The following A2M variants were observed in gnomAD, a reference collection of about 807,000 sequenced individuals.
A2M encodes C3 and PZP-like alpha-2-macroglobulin domain-containing protein 5.
In A2M, 128 loss-of-function variants were observed where a neutral mutation model predicts 183.9. That is an observed-to-expected ratio of 0.70 (90% CI 0.60 to 0.81). The LOEUF (loss-of-function observed/expected upper bound fraction) is 0.81, where lower values mean the gene tolerates loss of function less well. Ranked by LOEUF, A2M falls within the 30% of genes least tolerant of loss-of-function variation. The pLI, the probability that A2M is intolerant of heterozygous loss-of-function variation, is 0.00. For synonymous variants in A2M, 592 were observed against 670.8 expected (o/e 0.88, Z 1.81); for missense variants, 1,495 against 1,787.6 (o/e 0.84, Z 2.95).
At chr12:9,100,602 A>G (rs757609711) in intron 13 of A2M, among the ~76,000 whole-genome samples, 1 of 152,268 alleles carries the variant, frequency 6.6e-6, no homozygotes, top group East Asian at 1.9e-4. Context: ...TAAATAACGC[A>G]AAGAAAATAG....
chr12:9,074,838 A>G (rs1948692451), intron 28 of A2M, 55 bp from the exon 29 acceptor site: 1 of 1,522,994 alleles, frequency 6.6e-7, no homozygotes, highest in South Asian at 1.2e-5. Context: ...ATTTAATTCA[A>G]GGTGAAAGTA....
intron 13 of A2M, 66 bp downstream of exon 13, chr12:9,101,078 C>T: frequency 1.4e-6 from 2 of 1,429,128 alleles, no homozygotes; most frequent in Non-Finnish European, 1.9e-6. Flanking sequence ...TATTCTGATA[C>T]TTCCGTGGTG....
chr12:9,068,063 T>G, intron 35 of A2M, 120 bp downstream of exon 35: 2 of 1,194,542 alleles, frequency 1.7e-6, no homozygotes, highest in Non-Finnish European at 2.4e-6. Context: ...TATAATAATG[T>G]GCAGTGTGAG....
In A2M at chr12:9,103,097, T is replaced by G. The variant is rs768353889; in HGVS notation, c.1266+1142A>C. Among the ~76,000 whole-genome samples the G allele has an allele frequency of 5.9e-5, 9 of 152,252 alleles. No homozygotes were observed. The South Asian group carries it at 1.5e-3, about 25-fold the overall frequency. On this transcript the variant is annotated intron_variant, in intron 11 of 35. Transcript: ENST00000318602. ...ACAGGTCATCTGGAGAAAATTAGAA[T>G]AGCAAGACAAAATAAAGTAAGGTAA...
intron 18 of A2M, among the ~76,000 whole-genome samples, chr12:9,092,890 T>C (rs140606617): frequency 3.9e-5 from 6 of 152,314 alleles, no homozygotes; most frequent in African/African-American, 9.6e-5. Flanking sequence ...GATAAATAAA[T>C]TGTGGCTATG....
chr12:9,111,942 T>A, intron 4 of A2M: 1 of 712,598 alleles, frequency 1.4e-6, no homozygotes, highest in Admixed American at 1.8e-5. Flanking sequence ...TTTAATTGTG[T>A]GACAACTGAC....
intron 6 of A2M, 142 bp downstream of exon 6, chr12:9,109,725 T>C (rs1565603730): frequency 3.8e-6 from 3 of 798,968 alleles, no homozygotes; most frequent in Admixed American, 2.7e-5. Flanking sequence ...GATGTCCTCA[T>C]TGGACTTAGG....
chr12:9,069,825 T>A lies in A2M; in HGVS notation c.4195-12A>T. 1.2e-6 allele frequency: 2 copies of A among 1,612,710 alleles called. No individual in the cohort carries two copies. Among genetic ancestry groups the A allele is most frequent in the Middle Eastern group, 3.3e-4 (2 of 6,052 alleles). ...TTAGATCTTTCAAGCTGAAGAAAAT[T>A]GAAATACCACAAATGTTAATAAATA... is the stretch of plus-strand genomic sequence containing the variant. On this transcript the variant is annotated splice_polypyrimidine_tract_variant and intron_variant, in intron 32 of 35. Transcript: ENST00000318602.
Position 9,095,060 on chromosome 12 carries a change from T to G in A2M, c.2038A>C (p.Asn680His). Residue 680 changes from asparagine to histidine, a missense_variant, in exon 17 of 36, where the codon AAC becomes CAC. Asn to His is a moderately conservative substitution (Grantham distance 68). Transcript: ENST00000318602. ...LEDMGLKAFT[N>H]SKIRKPKMCP... The stretch of plus-strand genomic sequence containing the variant: ...ATTTTGGGTTTACGAATCTTTGAGT[T>G]GGTGAATGCCTTTAAGCCCATGTCC... 1 of 1,592,616 alleles carries G rather than the reference T, an allele frequency of 6.3e-7. No individual in the cohort carries two copies.
At chr12:9,094,346 T>TAG in intron 17 of A2M, among the ~76,000 whole-genome samples, 1 of 132,946 alleles carries the variant, frequency 7.5e-6, no homozygotes, top group African/African-American at 2.7e-5. Flanking sequence ...TGTGCATATA[T>TAG]ATATATATAT....
At chr12:9,093,607 C>A (rs191817219) in intron 17 of A2M, 28 bp from the exon 18 acceptor site, 23 of 1,252,516 alleles carry the variant, frequency 1.8e-5, no homozygotes, top group Admixed American at 9.3e-5. Context: ...GAAGACATTA[C>A]AATAAACATA....
rs765617989 is a variant in A2M at position 9,098,727 on chromosome 12, A to G, written c.1731T>C (p.Ser577=). The change falls in exon 15 of 36, where the codon AGT becomes AGC. Residue 577 remains serine, a synonymous_variant. Coordinates refer to ENST00000318602, the MANE Select transcript of A2M (RefSeq NM_000014.6). ...KVDLSFSPSQ[S]LPASHAHLRV... is the part of the protein sequence containing the mutation. ...GCAGGTGGGCGTGTGAGGCTGGGAG[A>G]CTTTGTGATGGGCTGAAGCTCAAAT... The G allele has an allele frequency of 6.2e-7, 1 of 1,612,932 alleles. No homozygotes were observed. Among genetic ancestry groups the G allele is most frequent in the Non-Finnish European group, 8.5e-7 (1 of 1,179,760 alleles).
chr12:9,114,361 C>T (rs2137998343), intron 1 of A2M, among the ~76,000 whole-genome samples: 1 of 152,218 alleles, frequency 6.6e-6, no homozygotes, highest in Middle Eastern at 3.4e-3. Context: ...TACATATTTT[C>T]AAGTAAACAT....
In A2M at chr12:9,070,404, T is replaced by C. The variant is rs1406062833; in HGVS notation, c.4194+84A>G. The C allele has an allele frequency of 4.5e-6, 4 of 882,056 alleles. No individual in the cohort carries two copies. The Admixed American group carries it at 8.7e-5, about 19-fold the overall frequency. The allele number at this position is 882,056 out of a possible 1,614,324, so 54.6% of individuals were successfully genotyped here. A position where few individuals can be genotyped will look rare whatever the true frequency, so the allele number is the denominator to read the frequency against. On this transcript the variant is annotated intron_variant, in intron 32 of 35. Transcript: ENST00000318602. ...CTTTGATAGAGATTGACTTTAATAG[T>C]ATTTTGATATTAGTATTGTCTTATG... is the stretch of plus-strand genomic sequence containing the variant.
In A2M at chr12:9,099,405, A is replaced by G; in HGVS notation, c.1677T>C (p.Asp559=). The change falls in exon 14 of 36, where the codon GAT becomes GAC. Residue 559 remains aspartate (D), a synonymous_variant. Coordinates refer to ENST00000318602, the MANE Select transcript of A2M (RefSeq NM_000014.6). ...GDVIGDSAKY[D]VENCLANKVD... is the part of the protein sequence containing the mutation. ...CCTTGTTGGCCAGACAATTTTCAAC[A>G]TCATATTTTGCAGAATCCCCAATCA... 6.4e-7 allele frequency: 1 copy of G among 1,564,678 alleles called. No individual in the cohort carries two copies. The highest frequency in any genetic ancestry group is 8.7e-7 in the Non-Finnish European group (1 of 1,154,094).
rs539903305 is a variant in A2M at position 9,079,822 on chromosome 12, A to T, written c.2855-7T>A. On this transcript the variant is annotated splice_polypyrimidine_tract_variant and splice_region_variant and intron_variant, in intron 23 of 35. Coordinates refer to ENST00000318602, the MANE Select transcript of A2M (RefSeq NM_000014.6). ...GCAGAGCCTAATATGTCTCCTAGAG[A>T]ATGGGAGAGATGGGAAGTCATAAAG... 2 of 1,579,462 alleles carry T rather than the reference A, an allele frequency of 1.3e-6. No individual in the cohort carries two copies. The highest frequency in any genetic ancestry group is 2.4e-5 in the South Asian group (2 of 83,500).
chr12:9,101,774 G>C (rs1172394300), intron 11 of A2M, 100 bp from the exon 12 acceptor site: 4 of 927,694 alleles, frequency 4.3e-6, no homozygotes, highest in Admixed American at 2.8e-5. Context: ...TTAACTAGTA[G>C]CTAGAAATCT....
chr12:9,097,632 C>A (rs992513360), intron 15 of A2M, among the ~76,000 whole-genome samples: 1 of 127,118 alleles, frequency 7.9e-6, no homozygotes, highest in East Asian at 2.3e-4. Flanking sequence ...TGATGTAATT[C>A]TTTTTTTTTT....
intron 19 of A2M, 81 bp from the exon 20 acceptor site, chr12:9,090,563 A>G: frequency 6.8e-7 from 1 of 1,475,430 alleles, no homozygotes; most frequent in Non-Finnish European, 9.3e-7. Flanking sequence ...ATCTTGAGGA[A>G]TTGGTTAGAT....
Sources: gnomAD v4.1 joint callset for allele counts (sites outside exome capture counted in the v4.1 genomes callset) on GRCh38, gnomAD v4.1.1 for gene constraint, MANE v1.5 for transcripts, NCBI Gene and HGNC (gene_info 2026-07-23, HGNC 2026-07-21) for gene names.